DSCAM: variants seen among roughly 807,000 people sequenced by gnomAD.
The protein encoded by DSCAM is DS cell adhesion molecule, also known as cell adhesion molecule DSCAM.
DSCAM carries 47 observed loss-of-function variants against 217.7 expected under a neutral mutation model. The ratio of observed to expected loss-of-function variants is 0.22; its 90% CI spans 0.17 to 0.28. The LOEUF (loss-of-function observed/expected upper bound fraction) is 0.28, where lower values mean the gene tolerates loss of function less well. DSCAM is among the 10% of genes least tolerant of loss of function. The pLI is 1.00. For synonymous variants in DSCAM, 1,056 were observed against 1,015.3 expected (o/e 1.04, Z -0.76); for missense variants, 2,080 against 2,618.3 (o/e 0.79, Z 4.49).
At chr21:40,739,509 T>C (rs183150642) in intron 1 of DSCAM, among the ~76,000 whole-genome samples, 5 of 152,348 alleles carry the variant, frequency 3.3e-5, no homozygotes, top group Admixed American at 3.3e-4. Flanking sequence ...CTCTTTCCTG[T>C]GTCTTCACAG....
At chr21:40,766,286 A>T (rs1461298834) in intron 1 of DSCAM, among the ~76,000 whole-genome samples, 1 of 152,084 alleles carries the variant, frequency 6.6e-6, no homozygotes, top group African/African-American at 2.4e-5. Context: ...CATACATAAA[A>T]ATATAAAACA....
intron 1 of DSCAM, among the ~76,000 whole-genome samples, chr21:40,815,730 T>G (rs1234680252): frequency 6.6e-6 from 1 of 152,246 alleles, no homozygotes; most frequent in African/African-American, 2.4e-5. Flanking sequence ...TTTAGGGATT[T>G]AGGTTATCAT....
chr21:40,280,936 G>A (rs2073752419), intron 10 of DSCAM, among the ~76,000 whole-genome samples: 1 of 152,202 alleles, frequency 6.6e-6, no homozygotes, highest in Admixed American at 6.5e-5. Context: ...TCAGTCAACA[G>A]TCTGAGAAAG....
intron 3 of DSCAM, among the ~76,000 whole-genome samples, chr21:40,652,781 A>G (rs995815541): frequency 6.6e-6 from 1 of 152,222 alleles, no homozygotes; most frequent in African/African-American, 2.4e-5. Context: ...TACAGACCTG[A>G]GGCTTGGGGC....
intron 20 of DSCAM, among the ~76,000 whole-genome samples, chr21:40,105,415 G>A (rs533577188): frequency 6.6e-6 from 1 of 152,324 alleles, no homozygotes; most frequent in East Asian, 1.9e-4. Context: ...CCCGTGGGAG[G>A]TAACTGAATC....
chr21:40,292,519 ATCCAGTATTATTTTGGT>A (rs897808527), intron 10 of DSCAM, among the ~76,000 whole-genome samples: 1 of 152,022 alleles, frequency 6.6e-6, no homozygotes, highest in African/African-American at 2.4e-5. Flanking sequence ...AAAGCCTAAT[ATCCAGTATTATTTTGGT>A]TATAAGAGAC....
At chr21:40,324,939 A>C (rs1040406446) in intron 8 of DSCAM, among the ~76,000 whole-genome samples, 2 of 152,218 alleles carry the variant, frequency 1.3e-5, no homozygotes, top group African/African-American at 4.8e-5. Context: ...CCCCAACCAG[A>C]GGTGACGACA....
At chr21:40,655,624 T>A (rs1302718290) in intron 3 of DSCAM, among the ~76,000 whole-genome samples, 1 of 152,080 alleles carries the variant, frequency 6.6e-6, no homozygotes, top group Non-Finnish European at 1.5e-5. Context: ...TTTCTTTTTT[T>A]TTAATTTTTG....
chr21:40,616,391 GT>G (rs1474075936), intron 3 of DSCAM, among the ~76,000 whole-genome samples: 1 of 152,138 alleles, frequency 6.6e-6, no homozygotes, highest in Non-Finnish European at 1.5e-5. Flanking sequence ...TTCGTACCAA[GT>G]CAATAGCATG....
chr21:40,397,644 T>A (rs1412985802), intron 3 of DSCAM, among the ~76,000 whole-genome samples: 1 of 152,110 alleles, frequency 6.6e-6, no homozygotes, highest in African/African-American at 2.4e-5. Context: ...TGGCGAGCAG[T>A]AGGACCTAGA....
At chr21:40,518,115 G>A (rs541723212) in intron 3 of DSCAM, among the ~76,000 whole-genome samples, 33 of 151,334 alleles carry the variant, frequency 2.2e-4, no homozygotes, top group Admixed American at 6.0e-4. Flanking sequence ...ATGGGTATTA[G>A]TGAACCTCGA....
chr21:40,077,053 G>T (rs2089375444), intron 26 of DSCAM, among the ~76,000 whole-genome samples: 1 of 152,204 alleles, frequency 6.6e-6, no homozygotes, highest in African/African-American at 2.4e-5. Context: ...ACCTTTGAAT[G>T]AAGTCACTGA....
chr21:40,338,996 G>A (rs1022283002), intron 7 of DSCAM, 123 bp downstream of exon 7: 50 of 1,247,190 alleles, frequency 4.0e-5, no homozygotes, highest in Non-Finnish European at 5.5e-5. Flanking sequence ...GAGAGGGTAG[G>A]AAATGGGAAG....
Position 40,779,060 on chromosome 21 carries a change from G to T in DSCAM, c.43+67559C>A, listed in dbSNP as rs538466025. Among the ~76,000 whole-genome samples, 450 of 105,132 alleles carry T rather than the reference G, an allele frequency of 4.3e-3. 2 individuals are homozygous for T. The highest frequency in any genetic ancestry group is 0.015 in the African/African-American group (429 of 28,544). 69.0% of individuals were successfully genotyped at this position (105,132 alleles called of 152,430 possible). A position where few individuals can be genotyped will look rare whatever the true frequency, so the allele number is the denominator to read the frequency against. ...AAAAAAAAAAAAAAAAAAAAAAAAA[G>T]AGTGTGAGTAGACTAAACTTGTGTT... On this transcript the variant is annotated intron_variant, in intron 1 of 32. Transcript: ENST00000400454.
chr21:40,302,612 C>T (rs1029627229), intron 9 of DSCAM, among the ~76,000 whole-genome samples: 4 of 152,142 alleles, frequency 2.6e-5, no homozygotes, highest in Non-Finnish European at 4.4e-5. Context: ...TGCAATATGG[C>T]TAAACTTGCC....
At chr21:40,499,083 C>A (rs984029752) in intron 3 of DSCAM, among the ~76,000 whole-genome samples, 5 of 151,774 alleles carry the variant, frequency 3.3e-5, no homozygotes, top group Non-Finnish European at 7.4e-5. Context: ...TGGAATGAAG[C>A]AGGTTTTTAA....
At chr21:40,580,981 C>T (rs145195289) in intron 3 of DSCAM, among the ~76,000 whole-genome samples, 35 of 151,990 alleles carry the variant, frequency 2.3e-4, no homozygotes, top group East Asian at 1.2e-3. Flanking sequence ...GAAAGGACTT[C>T]GAAGAAAGAT....
At chr21:40,160,236 G>A (rs117190534) in intron 16 of DSCAM, among the ~76,000 whole-genome samples, 2 of 152,328 alleles carry the variant, frequency 1.3e-5, no homozygotes, top group East Asian at 3.9e-4. Context: ...AAGGGTTCAA[G>A]TTCCAATAAT....
At chr21:40,252,401 G>A (rs1438335523) in intron 11 of DSCAM, among the ~76,000 whole-genome samples, 2 of 152,066 alleles carry the variant, frequency 1.3e-5, no homozygotes, top group African/African-American at 4.8e-5. Context: ...GATATAAACA[G>A]CATTGTCTCA....
Sources: gnomAD v4.1 joint callset for allele counts (sites outside exome capture counted in the v4.1 genomes callset) on GRCh38, gnomAD v4.1.1 for gene constraint, MANE v1.5 for transcripts, NCBI Gene and HGNC (gene_info 2026-07-23, HGNC 2026-07-21) for gene names.